The following PHYHIPL variants were observed in gnomAD, a reference collection of about 807,000 sequenced individuals.
PHYHIPL encodes phytanoyl-CoA 2-hydroxylase interacting protein like.
In PHYHIPL, 9 loss-of-function variants were observed where a neutral mutation model predicts 33.4. The ratio of observed to expected loss-of-function variants is 0.27; its 90% confidence interval spans 0.16 to 0.47. PHYHIPL has a LOEUF of 0.47. Ranked by LOEUF, PHYHIPL falls within the 20% of genes least tolerant of loss-of-function variation. PHYHIPL has a pLI of 0.99. For missense variants in PHYHIPL, 365 were observed against 460.7 expected (o/e 0.79, Z 1.90); for synonymous variants, 153 against 154.1 (o/e 0.99, Z 0.05).
intron 1 of PHYHIPL, among the ~76,000 whole-genome samples, chr10:59,180,318 A>G (rs941502269): frequency 0.044 from 451 of 10,340 alleles, 1 homozygote; most frequent in African/African-American, 0.13. Context: ...GAAAAAGTAT[A>G]TATATATATA....
At chr10:59,219,172 A>G (rs1485291410) in intron 1 of PHYHIPL, 4 of 777,288 alleles carry the variant, frequency 5.1e-6, no homozygotes, top group Non-Finnish European at 6.2e-6. Flanking sequence ...ATGCCTCATA[A>G]TCATATTTGG....
Position 59,245,349 on chromosome 10 carries a change from AAGC to A in PHYHIPL, c.893_895del (p.Gln298del), listed in dbSNP as rs779529423. The A allele has an allele frequency of 1.2e-6, 2 of 1,614,168 alleles. No homozygotes were observed. The highest frequency in any genetic ancestry group is 1.7e-6 in the Non-Finnish European group (2 of 1,180,020). ...GGGATCACCAGGAGATGAATTTTGTAAGCAGCGCCTTCCTCAACTAAATTCTAA... is the reference window on the plus strand; with the variant it reads ...GGGATCACCAGGAGATGAATTTTGTAAGCGCCTTCCTCAACTAAATTCTAA... On this transcript the variant is annotated inframe_deletion, in exon 5 of 5. Transcript: ENST00000373880.
intron 4 of PHYHIPL, among the ~76,000 whole-genome samples, chr10:59,241,538 CAT>C (rs1457400461): frequency 1.3e-5 from 2 of 152,232 alleles, no homozygotes; most frequent in African/African-American, 4.8e-5. Context: ...GATTGGTAGA[CAT>C]GTGTAGGAAT....
intron 4 of PHYHIPL, among the ~76,000 whole-genome samples, chr10:59,241,656 T>C (rs559511467): frequency 8.9e-4 from 135 of 152,284 alleles, no homozygotes; most frequent in African/African-American, 3.0e-3. Flanking sequence ...ATTGCACTTA[T>C]AGATCCATGT....
rs1053774827 is a variant in PHYHIPL, at chr10:59,246,878, C to T, written c.*1287C>T. 5 of 359,282 alleles carry T rather than the reference C, an allele frequency of 1.4e-5. No homozygotes were observed. Among genetic ancestry groups the T allele is most frequent in the African/African-American group, 1.0e-4 (5 of 47,866 alleles). The allele number at this position is 359,282 out of a possible 1,614,324, so 22.3% of individuals were successfully genotyped here. ...ACAGACACATATCTATCCAAAATAC[C>T]TATTTTAAATTTTTAATACAATATT... is the stretch of plus-strand genomic sequence containing the variant. On this transcript the variant is annotated 3_prime_UTR_variant, in exon 5 of 5. Coordinates refer to ENST00000373880, the MANE Select transcript of PHYHIPL (RefSeq NM_032439.4).
chr10:59,199,314 A>C (rs898706337), intron 1 of PHYHIPL, among the ~76,000 whole-genome samples: 19 of 152,264 alleles, frequency 1.2e-4, no homozygotes, highest in Admixed American at 1.2e-3. Context: ...TAAATAGGGA[A>C]TCCTTTCCCC....
Position 59,205,114 on chromosome 10 carries a change from C to G in PHYHIPL, c.106+28155C>G, listed in dbSNP as rs111516998. On this transcript the variant is annotated intron_variant, in intron 1 of 4. Coordinates refer to ENST00000373880, the MANE Select transcript of PHYHIPL (RefSeq NM_032439.4). ...AGGTGATCTGCCTGCCTTGGCCTCCCAAAGTGCTGGGATTACAGGCATGAG... is the reference window on the plus strand; with the variant it reads ...AGGTGATCTGCCTGCCTTGGCCTCCGAAAGTGCTGGGATTACAGGCATGAG... 5.5e-3 allele frequency among the ~76,000 whole-genome samples: 836 copies of G among 152,318 alleles called. 7 individuals are homozygous for G. Among genetic ancestry groups the G allele is most frequent in the African/African-American group, 0.019 (799 of 41,570 alleles).
At chr10:59,183,622 G>C (rs563415869) in intron 1 of PHYHIPL, 1 of 982,170 alleles carries the variant, frequency 1.0e-6, no homozygotes, top group African/African-American at 1.7e-5. Flanking sequence ...TCTACAACCA[G>C]GTTTGTTACA....
intron 1 of PHYHIPL, among the ~76,000 whole-genome samples, chr10:59,215,710 A>C (rs2436568): frequency 6.6e-6 from 1 of 151,926 alleles, no homozygotes; most frequent in East Asian, 1.9e-4. Flanking sequence ...AAATTTACTA[A>C]AATATGTGAA....
Position 59,236,572 on chromosome 10 carries a change from A to T in PHYHIPL, c.393A>T (p.Thr131=). Residue 131 remains threonine, a synonymous_variant, in exon 3 of 5, where the codon ACA becomes ACT. Coordinates refer to ENST00000373880, the MANE Select transcript of PHYHIPL (RefSeq NM_032439.4). ...TTTTAAGCCCAAGAACTGAATATAC[A>T]GTAGCAGTGCAGACTGCCTCAAAAC... ...HWFLSPRTEY[T]VAVQTASKQV... The T allele has an allele frequency of 6.2e-7, 1 of 1,611,258 alleles. No homozygotes were observed. Among genetic ancestry groups the T allele is most frequent in the Non-Finnish European group, 8.5e-7 (1 of 1,178,096 alleles).
chr10:59,214,541 T>C (rs1280057419), intron 1 of PHYHIPL, among the ~76,000 whole-genome samples: 1 of 152,104 alleles, frequency 6.6e-6, no homozygotes, highest in Non-Finnish European at 1.5e-5. Flanking sequence ...GAGTCTGTTA[T>C]GTGTGTATTG....
intron 1 of PHYHIPL, among the ~76,000 whole-genome samples, chr10:59,217,220 G>A (rs1239509756): frequency 1.3e-5 from 2 of 151,982 alleles, no homozygotes; most frequent in South Asian, 2.1e-4. Flanking sequence ...GAGAAAAATG[G>A]TCTGATCTTT....
At chr10:59,206,762 GA>G in intron 1 of PHYHIPL, 1 of 1,227,896 alleles carries the variant, frequency 8.1e-7, no homozygotes. Flanking sequence ...AGTTGTTTTT[GA>G]AGAACTTACA....
chr10:59,221,799 A>G (rs2133259474), intron 1 of PHYHIPL: 1 of 585,792 alleles, frequency 1.7e-6, no homozygotes. Flanking sequence ...ATTCTTTCAG[A>G]TATTAGTGTC....
intron 1 of PHYHIPL, 65 bp from the exon 2 acceptor site, chr10:59,234,239 A>T: frequency 1.6e-6 from 2 of 1,259,478 alleles, no homozygotes; most frequent in Non-Finnish European, 2.2e-6. Context: ...TAAATCCATT[A>T]ATTGGAAATA....
At chr10:59,226,386 T>C (rs1289147689) in intron 1 of PHYHIPL, among the ~76,000 whole-genome samples, 1 of 152,154 alleles carries the variant, frequency 6.6e-6, no homozygotes, top group Non-Finnish European at 1.5e-5. Context: ...AATCAAGCCT[T>C]TATTCATGTA....
chr10:59,207,576 C>G (rs1839322083), intron 1 of PHYHIPL, among the ~76,000 whole-genome samples: 1 of 152,120 alleles, frequency 6.6e-6, no homozygotes, highest in Admixed American at 6.5e-5. Flanking sequence ...TTCCTCCTCT[C>G]TAGGCAGGGA....
intron 1 of PHYHIPL, among the ~76,000 whole-genome samples, chr10:59,234,078 G>A (rs975364395): frequency 6.6e-6 from 1 of 151,750 alleles, no homozygotes; most frequent in African/African-American, 2.4e-5. Context: ...AGGTTTTTTA[G>A]AGGGAACCTA....
intron 1 of PHYHIPL, among the ~76,000 whole-genome samples, chr10:59,204,474 A>T (rs1839229976): frequency 6.6e-6 from 1 of 152,180 alleles, no homozygotes; most frequent in Non-Finnish European, 1.5e-5. Flanking sequence ...CTGTCAGTCG[A>T]ACTAGAATTA....
Sources: allele counts gnomAD v4.1 joint callset (sites outside exome capture counted in the v4.1 genomes callset), GRCh38; gene constraint gnomAD v4.1.1; transcripts MANE v1.5; gene names NCBI Gene and HGNC (gene_info 2026-07-23, HGNC 2026-07-21).